NFYA: variants seen among roughly 807,000 people sequenced by gnomAD.
The protein encoded by NFYA is nuclear transcription factor Y subunit alpha.
In NFYA, 28 loss-of-function variants were observed where a neutral mutation model predicts 52.8. The ratio of observed to expected loss-of-function variants is 0.53; its 90% CI spans 0.39 to 0.73. The LOEUF (loss-of-function observed/expected upper bound fraction) is 0.73. NFYA is among the 30% of genes least tolerant of loss of function. NFYA has a pLI of 0.00. For missense variants in NFYA, 234 were observed against 427.0 expected (o/e 0.55, Z 3.98); for synonymous variants, 150 against 150.7 (o/e 1.00, Z 0.03).
At chr6:41,079,539 A>G (rs1196421743) in intron 2 of NFYA, among the ~76,000 whole-genome samples, 10 of 152,198 alleles carry the variant, frequency 6.6e-5, no homozygotes, top group Admixed American at 6.5e-4. Context: ...CTTCCAATAA[A>G]TCTTCTGTTT....
chr6:41,095,251 T>C (rs1173659688), intron 9 of NFYA, among the ~76,000 whole-genome samples: 6 of 152,214 alleles, frequency 3.9e-5, no homozygotes, highest in Admixed American at 6.5e-5. Context: ...CTCCAGCTCC[T>C]GTCTACCTCT....
At chr6:41,096,037 C>T (rs1032867380) in intron 9 of NFYA, among the ~76,000 whole-genome samples, 3 of 152,124 alleles carry the variant, frequency 2.0e-5, no homozygotes, top group Non-Finnish European at 4.4e-5. Flanking sequence ...AATTAATCTC[C>T]AGTCTCCTCT....
Position 41,101,613 on chromosome 6 carries a change from A to G in NFYA, c.*4203A>G, listed in dbSNP as rs1764503596. ...CTAGCAGCCACTCCGCGAGTCGTTC[A>G]TTTAACAAATACTTACTCTGTGTCA... is the stretch of plus-strand genomic sequence containing the variant. On this transcript the variant is annotated 3_prime_UTR_variant, in exon 10 of 10. Coordinates refer to ENST00000341376, the MANE Select transcript of NFYA (RefSeq NM_002505.5). Among the ~76,000 whole-genome samples the G allele has an allele frequency of 6.6e-6, 1 of 152,188 alleles. No homozygotes were observed. The highest frequency in any genetic ancestry group is 1.5e-5 in the Non-Finnish European group (1 of 68,038).
rs185974893 is a variant in NFYA, at chr6:41,083,362, A to G, written c.163-684A>G. ...TAACCATGTGGATATTATAGAGGCC[A>G]GTGAGGAATTCCACCATGGAGACTG... On this transcript the variant is annotated intron_variant, in intron 3 of 9. Coordinates refer to ENST00000341376, the MANE Select transcript of NFYA (RefSeq NM_002505.5). Among the ~76,000 whole-genome samples the G allele has an allele frequency of 3.6e-3, 545 of 152,354 alleles. 3 individuals carry two copies. The highest frequency in any genetic ancestry group is 0.012 in the African/African-American group (518 of 41,584).
At chr6:41,073,470 T>C (rs576451018) in intron 1 of NFYA, among the ~76,000 whole-genome samples, 1 of 151,972 alleles carries the variant, frequency 6.6e-6, no homozygotes, top group Admixed American at 6.5e-5. Context: ...GCCTCGGCGA[T>C]TTCCTCCTGG....
intron 1 of NFYA, among the ~76,000 whole-genome samples, chr6:41,078,450 A>G (rs982358569): frequency 1.3e-5 from 2 of 151,688 alleles, no homozygotes; most frequent in Admixed American, 1.3e-4. Flanking sequence ...CCTCCCTCCC[A>G]TATTTCCAAG....
In NFYA at chr6:41,100,011, G is replaced by T. The variant is rs759254033; in HGVS notation, c.*2601G>T. On this transcript the variant is annotated 3_prime_UTR_variant, in exon 10 of 10. Coordinates refer to ENST00000341376, the MANE Select transcript of NFYA (RefSeq NM_002505.5). The stretch of plus-strand genomic sequence containing the variant: ...CTTTTGAGGAATCTGCAACTCCTGG[G>T]TTCTAGTTTGTGTTTCCAGTGTTGA... 1 of 152,048 alleles carries T rather than the reference G, an allele frequency of 6.6e-6. No homozygotes were observed. Among genetic ancestry groups the T allele is most frequent in the Non-Finnish European group, 1.5e-5 (1 of 68,000 alleles). The allele number at this position is 152,048 out of a possible 1,614,324, so 9.4% of individuals were successfully genotyped here. A position where few individuals can be genotyped will look rare whatever the true frequency, so the allele number is the denominator to read the frequency against.
At chr6:41,094,224 ATTAC>A (rs1342076903) in intron 8 of NFYA, among the ~76,000 whole-genome samples, 168 bp from the exon 9 acceptor site, 7 of 152,164 alleles carry the variant, frequency 4.6e-5, no homozygotes, top group Non-Finnish European at 7.3e-5. Flanking sequence ...GGTTAGCTAT[ATTAC>A]TTACTAGGTG....
Position 41,090,328 on chromosome 6 carries a change from T to C in NFYA, c.547+19T>C. On this transcript the variant is annotated intron_variant, in intron 6 of 9. Coordinates refer to ENST00000341376, the MANE Select transcript of NFYA (RefSeq NM_002505.5). ...CAGCAAGGTAAGTGTACCCATAAGC[T>C]TCCCTAGGACTTTTTGGGGCAACTT... 1 of 1,583,514 alleles carries C rather than the reference T, an allele frequency of 6.3e-7. No individual in the cohort carries two copies. The highest frequency in any genetic ancestry group is 8.7e-7 in the Non-Finnish European group (1 of 1,153,020).
intron 1 of NFYA, 56 bp from the exon 2 acceptor site, chr6:41,078,972 CT>C (rs1763830664): frequency 1.3e-6 from 1 of 743,076 alleles, no homozygotes; most frequent in East Asian, 2.5e-5. Context: ...GGTTAATTGT[CT>C]GGTAAGGCCT....
rs147188514 is a variant in NFYA, at chr6:41,087,475, A to G, written c.310-2104A>G. 9.7e-3 allele frequency among the ~76,000 whole-genome samples: 1,479 copies of G among 152,300 alleles called. 20 individuals are homozygous for G. Among genetic ancestry groups the G allele is most frequent in the African/African-American group, 0.033 (1,384 of 41,554 alleles). ...TCCCAAGTTGAAATTATGGATGGAA[A>G]GTGACCTGGCTATAAAAATCTATCT... is the stretch of plus-strand genomic sequence containing the variant. On this transcript the variant is annotated intron_variant, in intron 4 of 9. Coordinates refer to ENST00000341376, the MANE Select transcript of NFYA (RefSeq NM_002505.5).
intron 6 of NFYA, among the ~76,000 whole-genome samples, chr6:41,091,076 A>G (rs532290144): frequency 6.4e-4 from 97 of 152,350 alleles, no homozygotes; most frequent in Middle Eastern, 3.4e-3. Flanking sequence ...AAGTGCTGCT[A>G]TTGATAGTCT....
intron 4 of NFYA, among the ~76,000 whole-genome samples, chr6:41,087,052 C>G (rs573089532): frequency 1.1e-3 from 162 of 152,032 alleles, no homozygotes; most frequent in Non-Finnish European, 1.8e-3. Flanking sequence ...ATACATACAA[C>G]CGAGTTTGTA....
At chr6:41,089,947 G>A (rs1351665359) in intron 5 of NFYA, among the ~76,000 whole-genome samples, 1 of 151,896 alleles carries the variant, frequency 6.6e-6, no homozygotes, top group African/African-American at 2.4e-5. Context: ...GTGAAGCCCC[G>A]TCAAAATACA....
At position 41,097,593 on chromosome 6, in the gene NFYA, A is replaced by C; in HGVS notation, c.*183A>C. 1.7e-6 allele frequency: 1 copy of C among 603,026 alleles called. No homozygotes were observed. Among genetic ancestry groups the C allele is most frequent in the Non-Finnish European group, 2.9e-6 (1 of 340,878 alleles). 37.4% of individuals were successfully genotyped at this position (603,026 alleles called of 1,614,324 possible). A position where few individuals can be genotyped will look rare whatever the true frequency, so the allele number is the denominator to read the frequency against. ...GCGATGCCTGGCAAATTGAAGTTGC[A>C]AGCCTTTGTCTTACTCTTTCAGTCA... is the stretch of plus-strand genomic sequence containing the variant. On this transcript the variant is annotated 3_prime_UTR_variant, in exon 10 of 10. Coordinates refer to ENST00000341376, the MANE Select transcript of NFYA (RefSeq NM_002505.5).
At chr6:41,074,494 G>T (rs1180844556) in intron 1 of NFYA, among the ~76,000 whole-genome samples, 1 of 152,208 alleles carries the variant, frequency 6.6e-6, no homozygotes, top group Admixed American at 6.5e-5. Context: ...TCCGTGAAAG[G>T]CTTATCACCA....
chr6:41,084,171 T>C lies in NFYA; in HGVS notation c.288T>C (p.Ser96=), dbSNP rs374886963. 3.0e-5 allele frequency: 49 copies of C among 1,614,022 alleles called. No homozygotes were observed. The highest frequency in any genetic ancestry group is 4.0e-5 in the Non-Finnish European group (47 of 1,180,018). Residue 96 remains serine, a synonymous_variant, in exon 4 of 10, where the codon TCT becomes TCC. Coordinates refer to ENST00000341376, the MANE Select transcript of NFYA (RefSeq NM_002505.5). ...AAACCATCATGCAAGTACCTGTTTC[T>C]GGAACACAGGGTTTGCAGCAAGTGA... ...QGQTIMQVPV[S]GTQGLQQIQL... is the part of the protein sequence containing the mutation.
rs928303723 is a variant in NFYA at position 41,098,664 on chromosome 6, A to G, written c.*1254A>G. On this transcript the variant is annotated 3_prime_UTR_variant, in exon 10 of 10. Coordinates refer to ENST00000341376, the MANE Select transcript of NFYA (RefSeq NM_002505.5). ...AGCACAATGCTGGCCCTAGAAAGCG[A>G]GCATTTTCATTCTTCCCATGGCAGC... 6.5e-6 allele frequency: 1 copy of G among 152,716 alleles called. No individual in the cohort carries two copies. Among genetic ancestry groups the G allele is most frequent in the Admixed American group, 6.5e-5 (1 of 15,286 alleles). The allele number at this position is 152,716 out of a possible 1,614,324, so 9.5% of individuals were successfully genotyped here.
chr6:41,076,617 A>T (rs1763739141), intron 1 of NFYA, among the ~76,000 whole-genome samples: 1 of 152,238 alleles, frequency 6.6e-6, no homozygotes, highest in African/African-American at 2.4e-5. Context: ...CACTGAGAAG[A>T]GAATGCACTA....
Sources: allele counts gnomAD v4.1 joint callset (sites outside exome capture counted in the v4.1 genomes callset), GRCh38; gene constraint gnomAD v4.1.1; transcripts MANE v1.5; gene names NCBI Gene and HGNC (gene_info 2026-07-23, HGNC 2026-07-21).